Variants in NFATC1 observed in about 807,000 individuals in gnomAD.
NFATC1 encodes the protein nuclear factor of activated T-cells, cytoplasmic 1.
In NFATC1, 22 loss-of-function variants were observed where a neutral mutation model predicts 76.0. The ratio of observed to expected loss-of-function variants is 0.29; its 90% CI spans 0.21 to 0.41. The LOEUF is 0.41. Among genes scored for constraint, NFATC1 ranks in the 10% least tolerant of loss-of-function variants. The pLI is 1.00. For missense variants in NFATC1, 1,357 were observed against 1,337.7 expected, an observed-to-expected ratio of 1.01 and a Z score of -0.23; for synonymous variants, 704 against 613.1, an observed-to-expected ratio of 1.15 and a Z score of -2.19.
At chr18:79,512,741 G>A (rs1045335901) in intron 9 of NFATC1, among the ~76,000 whole-genome samples, 1 of 152,228 alleles carries the variant, frequency 6.6e-6, no homozygotes, top group Non-Finnish European at 1.5e-5. Context: ...TTTGAACAGT[G>A]GAGCCTGCAC....
intron 7 of NFATC1, among the ~76,000 whole-genome samples, chr18:79,463,211 C>T (rs762987269): frequency 1.3e-5 from 2 of 152,170 alleles, no homozygotes; most frequent in Non-Finnish European, 2.9e-5. Flanking sequence ...AAGCTCCTGG[C>T]ACTCACAGGG....
Position 79,464,995 on chromosome 18 carries a change from G to A in NFATC1, c.1960-2455G>A, listed in dbSNP as rs188242659. 4.1e-3 allele frequency among the ~76,000 whole-genome samples: 630 copies of A among 152,080 alleles called. 5 individuals carry two copies. Among genetic ancestry groups the A allele is most frequent in the African/African-American group, 0.015 (607 of 41,482 alleles). On this transcript the variant is annotated intron_variant, in intron 7 of 9. Transcript: ENST00000427363. ...GCTGGGATGACAGGTGTGAGCCACC[G>A]TGCCCGCCTGTGCATATTTTGTGAA...
intron 1 of NFATC1, among the ~76,000 whole-genome samples, chr18:79,399,705 G>T (rs1407860247): frequency 6.6e-6 from 1 of 152,064 alleles, no homozygotes; most frequent in African/African-American, 2.4e-5. Flanking sequence ...GGCGCGCAGG[G>T]CGGGTGTTTG....
At chr18:79,482,694 T>C (rs1383430779) in intron 8 of NFATC1, among the ~76,000 whole-genome samples, 1 of 135,500 alleles carries the variant, frequency 7.4e-6, no homozygotes, top group African/African-American at 2.8e-5. Context: ...AATTCCAGCA[T>C]GACCTGGTTC....
At chr18:79,439,816 G>A (rs2086908032) in intron 3 of NFATC1, among the ~76,000 whole-genome samples, 1 of 152,196 alleles carries the variant, frequency 6.6e-6, no homozygotes. Flanking sequence ...TTTGAGCGAT[G>A]GGGACAGATG....
intron 6 of NFATC1, 92 bp downstream of exon 6, chr18:79,451,908 G>A (rs55953864): frequency 0.052 from 75,806 of 1,464,330 alleles, 2,240 homozygotes; most frequent in Middle Eastern, 0.069. Context: ...ACCTGTGCAC[G>A]GTCACCGGGA....
intron 3 of NFATC1, among the ~76,000 whole-genome samples, chr18:79,444,810 C>G (rs962801541): frequency 2.0e-5 from 3 of 152,230 alleles, no homozygotes; most frequent in Admixed American, 6.5e-5. Flanking sequence ...CATGCCTGCA[C>G]ACGCACACTT....
At chr18:79,477,533 G>T (rs575077206) in intron 8 of NFATC1, among the ~76,000 whole-genome samples, 1 of 152,250 alleles carries the variant, frequency 6.6e-6, no homozygotes, top group South Asian at 2.1e-4. Context: ...AGTCTTTGGG[G>T]CTTCCATGGT....
Position 79,411,022 on chromosome 18 carries a change from G to C in NFATC1, c.747G>C (p.Glu249Asp). Residue 249 changes from glutamate to aspartate, a missense_variant, in exon 2 of 10, where the codon GAG becomes GAC. This residue lies in a region of NFATC1 where 691 missense variants were observed against 613.1 expected (regional missense o/e 1.13). Transcript: ENST00000427363. ...CGCCCCGCGCCAGCGTCACTGAGGA[G>C]AGCTGGCTGGGTGCCCGCTCCTCCA... ...STSPRASVTE[E>D]SWLGARSSRP... is the part of the protein sequence containing the mutation. 1 of 1,611,816 alleles carries C rather than the reference G, an allele frequency of 6.2e-7. No homozygotes were observed. Among genetic ancestry groups the C allele is most frequent in the African/African-American group, 1.3e-5 (1 of 75,014 alleles).
Position 79,465,159 on chromosome 18 carries a change from A to G in NFATC1, c.1960-2291A>G, listed in dbSNP as rs1178769082. 1.3e-5 allele frequency among the ~76,000 whole-genome samples: 2 copies of G among 152,114 alleles called. No individual in the cohort carries two copies. The highest frequency in any genetic ancestry group is 2.9e-5 in the Non-Finnish European group (2 of 68,016). On this transcript the variant is annotated intron_variant, in intron 7 of 9. Coordinates refer to ENST00000427363, the MANE Select transcript of NFATC1 (RefSeq NM_001278669.2). The surrounding 1 kb of genome is among the most constrained non-coding windows in gnomAD (Gnocchi z 4.2). ...ACCCGTATTTTTTCCGGTACAGACGAGTTTCCCTCTCCCTTCCTGTTCTTC... is the reference window on the plus strand; with the variant it reads ...ACCCGTATTTTTTCCGGTACAGACGGGTTTCCCTCTCCCTTCCTGTTCTTC...
At chr18:79,468,392 AGGCCAC>A (rs2088627640) in intron 8 of NFATC1, 1 of 149,588 alleles carries the variant, frequency 6.7e-6, no homozygotes, top group Non-Finnish European at 1.5e-5. Flanking sequence ...TTGTGGGTAC[AGGCCAC>A]TCCCCACAGC....
intron 2 of NFATC1, among the ~76,000 whole-genome samples, chr18:79,430,487 A>G (rs1447281524): frequency 1.3e-5 from 2 of 152,154 alleles, no homozygotes; most frequent in South Asian, 2.1e-4. Flanking sequence ...GGTTCAAGCA[A>G]TTCTCCTGCT....
chr18:79,480,037 AG>A (rs1225096767), intron 8 of NFATC1, among the ~76,000 whole-genome samples: 1 of 152,334 alleles, frequency 6.6e-6, no homozygotes, highest in African/African-American at 2.4e-5. Flanking sequence ...CCGCACCTGC[AG>A]GGTCAGCCCA....
At chr18:79,444,410 G>T (rs1189869976) in intron 3 of NFATC1, among the ~76,000 whole-genome samples, 1 of 152,076 alleles carries the variant, frequency 6.6e-6, no homozygotes, top group African/African-American at 2.4e-5. Context: ...GCGGCGTCAG[G>T]CTGTGTCCTT....
intron 3 of NFATC1, among the ~76,000 whole-genome samples, chr18:79,446,401 CG>C (rs1555908360): frequency 2.6e-5 from 4 of 152,148 alleles, no homozygotes; most frequent in Non-Finnish European, 5.9e-5. Context: ...CCCCACCCCC[CG>C]AGGTGGTTTT....
intron 6 of NFATC1, among the ~76,000 whole-genome samples, chr18:79,455,461 C>G (rs112149681): frequency 6.6e-6 from 1 of 152,188 alleles, no homozygotes; most frequent in Non-Finnish European, 1.5e-5. Flanking sequence ...TGGCATCTCA[C>G]AGGCGGCCGG....
chr18:79,513,637 G>C (rs925284398), intron 9 of NFATC1, among the ~76,000 whole-genome samples: 4 of 152,262 alleles, frequency 2.6e-5, no homozygotes, highest in Admixed American at 6.5e-5. Flanking sequence ...TTCAAGGCGA[G>C]TGTCCCTGGG....
In NFATC1 at chr18:79,448,838, G is replaced by A. The variant is rs756060665; in HGVS notation, c.1443G>A (p.Ala481=). The part of the protein sequence containing the change: ...PLMLQLFIGT[A]DDRLLRPHAF... ...TGCTGCAGCTTTTCATTGGGACGGC[G>A]GACGACCGCCTGCTGCGCCCGCACG... The change falls in exon 4 of 10, where the codon GCG becomes GCA. Residue 481 remains alanine, a synonymous_variant. Coordinates refer to ENST00000427363, the MANE Select transcript of NFATC1 (RefSeq NM_001278669.2). The A allele has an allele frequency of 2.5e-6, 4 of 1,613,840 alleles. No homozygotes were observed. Among genetic ancestry groups the A allele is most frequent in the East Asian group, 2.2e-5 (1 of 44,884 alleles).
chr18:79,455,030 C>T (rs368471070), intron 6 of NFATC1, among the ~76,000 whole-genome samples: 12 of 152,184 alleles, frequency 7.9e-5, no homozygotes, highest in African/African-American at 2.7e-4. Context: ...AGAACGCCCG[C>T]GTGAAACGTG....
Sources: gnomAD v4.1 joint callset for allele counts (sites outside exome capture counted in the v4.1 genomes callset) on GRCh38, gnomAD v4.1.1 for gene constraint, gnomAD v4.1.1 regional missense constraint, Gnocchi (gnomAD v3.1) non-coding constraint, MANE v1.5 for transcripts, NCBI Gene and HGNC (gene_info 2026-07-23, HGNC 2026-07-21) for gene names.